The following SPAG17 variants were observed in gnomAD, a reference collection of about 807,000 sequenced individuals.
The protein encoded by SPAG17 is sperm-associated antigen 17.
Under a neutral mutation model 273.6 loss-of-function variants are expected in SPAG17, and 169 were observed. The observed-to-expected ratio is 0.62, with a 90% CI of 0.55 to 0.70. The LOEUF (loss-of-function observed/expected upper bound fraction) is 0.70, where lower values mean the gene tolerates loss of function less well. Ranked by LOEUF, SPAG17 falls within the 30% of genes least tolerant of loss-of-function variation. The pLI is 0.00. For missense variants in SPAG17, 2,557 were observed against 2,627.8 expected, an observed-to-expected ratio of 0.97 and a Z score of 0.59; for synonymous variants, 825 against 873.2, an observed-to-expected ratio of 0.94 and a Z score of 0.97.
chr1:118,130,719 C>G (rs1658011013), intron 3 of SPAG17, among the ~76,000 whole-genome samples: 1 of 152,188 alleles, frequency 6.6e-6, no homozygotes, highest in African/African-American at 2.4e-5. Flanking sequence ...ATTCCCCCAC[C>G]AGGAGGCCAT....
At chr1:117,975,033 C>T (rs1654985761) in intron 43 of SPAG17, among the ~76,000 whole-genome samples, 1 of 152,268 alleles carries the variant, frequency 6.6e-6, no homozygotes, top group Non-Finnish European at 1.5e-5. Flanking sequence ...GAGGGCCCTT[C>T]CCTGGATATT....
chr1:117,954,987 G>T, intron 48 of SPAG17: 1 of 379,482 alleles, frequency 2.6e-6, no homozygotes, highest in Admixed American at 4.3e-5. Flanking sequence ...AAGAGAGAGA[G>T]GGGAAGAGTG....
At chr1:118,002,726 CATGAG>C (rs1165237945) in intron 32 of SPAG17, among the ~76,000 whole-genome samples, 3 of 152,092 alleles carry the variant, frequency 2.0e-5, no homozygotes, top group Admixed American at 6.6e-5. Context: ...TGTCTTTGCA[CATGAG>C]ATGGGTCTCC....
At position 118,101,665 on chromosome 1, in the gene SPAG17, A is replaced by T. The variant is rs1656070592; in HGVS notation, c.634+75T>A. ...AACTATGCGCTCTATGTGAGTCACC[A>T]AATTAACTGGTCTCATTTTATTGCC... On this transcript the variant is annotated intron_variant, in intron 5 of 48. Transcript: ENST00000336338. 4.8e-6 allele frequency: 7 copies of T among 1,446,342 alleles called. No individual in the cohort carries two copies. In the South Asian group the frequency reaches 8.8e-5, roughly 18 times the overall value. The allele number at this position is 1,446,342 out of a possible 1,614,324, so 89.6% of individuals were successfully genotyped here.
Position 118,012,276 on chromosome 1 carries a change from A to T in SPAG17, c.4384T>A (p.Tyr1462Asn), listed in dbSNP as rs760397525. The change falls in exon 30 of 49, where the codon TAT becomes AAT. Residue 1462 changes from tyrosine (Y) to asparagine (N), a missense_variant. Coordinates refer to ENST00000336338, the MANE Select transcript of SPAG17 (RefSeq NM_206996.4). ...HADGTRITTF[Y>N]QVYEDQIILP... is the part of the protein sequence containing the mutation. ...ATAATTTGATCTTCATAAACTTGATAAAAGGTTGTGATTCTGGTACCATCA... is the reference window on the plus strand; with the variant it reads ...ATAATTTGATCTTCATAAACTTGATTAAAGGTTGTGATTCTGGTACCATCA... 1.2e-6 allele frequency: 2 copies of T among 1,613,660 alleles called. No homozygotes were observed. Among genetic ancestry groups the T allele is most frequent in the Admixed American group, 3.3e-5 (2 of 60,000 alleles).
chr1:118,154,082 G>T (rs1570792875), intron 1 of SPAG17, among the ~76,000 whole-genome samples: 1 of 152,102 alleles, frequency 6.6e-6, no homozygotes, highest in South Asian at 2.1e-4. Flanking sequence ...ACGGGTCCCT[G>T]AAGTCACTCT....
chr1:118,184,655 C>T (rs1233577890), intron 1 of SPAG17, among the ~76,000 whole-genome samples: 1 of 152,174 alleles, frequency 6.6e-6, no homozygotes, highest in Non-Finnish European at 1.5e-5. Context: ...TTTCACTCAG[C>T]ATTTATTAAA....
intron 1 of SPAG17, among the ~76,000 whole-genome samples, chr1:118,155,156 T>C (rs1659583332): frequency 6.6e-6 from 1 of 152,100 alleles, no homozygotes; most frequent in Admixed American, 6.5e-5. Context: ...CACAATCCAT[T>C]TCCTTTTATT....
At chr1:117,992,361 G>T in intron 36 of SPAG17, 105 bp downstream of exon 36, 1 of 1,145,036 alleles carries the variant, frequency 8.7e-7, no homozygotes, top group Non-Finnish European at 1.2e-6. Flanking sequence ...TGTTGCACTA[G>T]ACAAATATTG....
At chr1:118,166,747 A>C (rs1440904585) in intron 1 of SPAG17, among the ~76,000 whole-genome samples, 1 of 152,216 alleles carries the variant, frequency 6.6e-6, no homozygotes, top group East Asian at 1.9e-4. Context: ...ATCAACAAAA[A>C]ACTTTTACCA....
At position 118,097,732 on chromosome 1, in the gene SPAG17, G is replaced by A. The variant is rs770440741; in HGVS notation, c.949C>T (p.Arg317Ter). The change falls in exon 7 of 49, where the codon CGA (arginine) becomes TGA (stop). Residue 317 changes from arginine to a stop codon, truncating the protein, a stop_gained. Coordinates refer to ENST00000336338, the MANE Select transcript of SPAG17 (RefSeq NM_206996.4). LOFTEE classifies it high-confidence loss of function. Reference sequence around the variant, plus strand: ...GCTGCTTTGACCATGTACTCAAGTCGAGCAACATCAAAGAGATTTGTTTCA... The same window carrying A: ...GCTGCTTTGACCATGTACTCAAGTCAAGCAACATCAAAGAGATTTGTTTCA... ...KPETNLFDVA[R>*]LEYMVKAADF... 3.7e-6 allele frequency: 6 copies of A among 1,610,362 alleles called. No homozygotes were observed. Among genetic ancestry groups the A allele is most frequent in the Non-Finnish European group, 5.1e-6 (6 of 1,178,632 alleles).
chr1:118,048,466 A>G (rs1308292520), intron 20 of SPAG17, among the ~76,000 whole-genome samples: 3 of 152,260 alleles, frequency 2.0e-5, no homozygotes, highest in Non-Finnish European at 4.4e-5. Context: ...TTTTGTTAAA[A>G]AATTAATGAA....
At chr1:118,066,286 A>C (rs982959794) in intron 18 of SPAG17, among the ~76,000 whole-genome samples, 2 of 152,176 alleles carry the variant, frequency 1.3e-5, no homozygotes, top group African/African-American at 4.8e-5. Flanking sequence ...GGAAAGAAAA[A>C]ATCACTAACC....
At chr1:118,171,534 T>G (rs903058196) in intron 1 of SPAG17, among the ~76,000 whole-genome samples, 3 of 152,172 alleles carry the variant, frequency 2.0e-5, no homozygotes, top group Admixed American at 2.0e-4. Flanking sequence ...AAGAAAATGC[T>G]ATGGTCTTTC....
chr1:118,140,349 T>C (rs1171930037), intron 3 of SPAG17, among the ~76,000 whole-genome samples: 1 of 152,178 alleles, frequency 6.6e-6, no homozygotes, highest in Non-Finnish European at 1.5e-5. Context: ...AAATTTCAAA[T>C]GTTCTCACCA....
chr1:118,151,286 G>T lies in SPAG17; in HGVS notation c.171C>A (p.Val57=). ...DLLIQALTVA[V]QVPQRKLFSM... is the part of the protein sequence containing the mutation. The stretch of plus-strand genomic sequence containing the variant: ...TGAAGAGTTTACGCTGAGGGACCTG[G>T]ACAGCCACGGTAAGGGCTTGGATGA... The change falls in exon 2 of 49, where the codon GTC becomes GTA. Residue 57 remains valine (V), a synonymous_variant. Coordinates refer to ENST00000336338, the MANE Select transcript of SPAG17 (RefSeq NM_206996.4). The T allele has an allele frequency of 6.2e-7, 1 of 1,613,632 alleles. No individual in the cohort carries two copies. The highest frequency in any genetic ancestry group is 8.5e-7 in the Non-Finnish European group (1 of 1,179,680).
At position 118,115,154 on chromosome 1, in the gene SPAG17, T is replaced by C. The variant is rs140303100; in HGVS notation, c.447+156A>G. 4.7e-3 allele frequency among the ~76,000 whole-genome samples: 712 copies of C among 152,288 alleles called. 7 individuals are homozygous for C. The highest frequency in any genetic ancestry group is 0.016 in the African/African-American group (685 of 41,564). Reference sequence around the variant, plus strand: ...GTTTATCATAATTCCTCCAGATCTTTGGACAGCCTTTCCCTAAGAAGTTGA... The same window carrying C: ...GTTTATCATAATTCCTCCAGATCTTCGGACAGCCTTTCCCTAAGAAGTTGA... On this transcript the variant is annotated intron_variant, in intron 4 of 48. Transcript: ENST00000336338.
At chr1:118,172,694 C>T (rs973116425) in intron 1 of SPAG17, among the ~76,000 whole-genome samples, 15 of 152,110 alleles carry the variant, frequency 9.9e-5, no homozygotes, top group African/African-American at 3.6e-4. Flanking sequence ...GAACAAAAGG[C>T]CCATATTTTA....
intron 18 of SPAG17, among the ~76,000 whole-genome samples, chr1:118,061,906 A>T (rs1439532857): frequency 1.3e-5 from 2 of 152,248 alleles, no homozygotes; most frequent in Non-Finnish European, 2.9e-5. Flanking sequence ...AGAAACTGAA[A>T]AAGAGAAAAT....
Sources: allele counts gnomAD v4.1 joint callset (sites outside exome capture counted in the v4.1 genomes callset), GRCh38; gene constraint gnomAD v4.1.1; transcripts MANE v1.5; gene names NCBI Gene and HGNC (gene_info 2026-07-23, HGNC 2026-07-21).